Variants in SPATC1L observed in about 807,000 individuals in gnomAD.
The protein encoded by SPATC1L is speriolin-like protein.
In SPATC1L, 20 loss-of-function variants were observed where a neutral mutation model predicts 21.2. The observed-to-expected ratio is 0.94, with a 90% CI of 0.66 to 1.37. The LOEUF (loss-of-function observed/expected upper bound fraction) is 1.37, where lower values mean the gene tolerates loss of function less well. SPATC1L is among the 40% of genes most tolerant of loss of function. The pLI, the probability that SPATC1L is intolerant of heterozygous loss-of-function variation, is 0.00. For missense variants in SPATC1L, 499 were observed against 478.7 expected (o/e 1.04, Z -0.40); for synonymous variants, 290 against 234.5 (o/e 1.24, Z -2.16).
chr21:46,178,840 T>C (rs1050897780), intron 2 of SPATC1L, among the ~76,000 whole-genome samples: 4 of 152,170 alleles, frequency 2.6e-5, no homozygotes, highest in Non-Finnish European at 5.9e-5. Flanking sequence ...TGAACCAAGA[T>C]GACACCACTG....
chr21:46,169,169 T>C (rs1292198252), intron 2 of SPATC1L, among the ~76,000 whole-genome samples: 2 of 152,286 alleles, frequency 1.3e-5, no homozygotes, highest in African/African-American at 4.8e-5. Flanking sequence ...ACCCTTGCCC[T>C]ATTGATGGAC....
intron 3 of SPATC1L, 37 bp downstream of exon 3, chr21:46,168,271 T>C (rs2079554715): frequency 6.8e-7 from 1 of 1,476,136 alleles, no homozygotes; most frequent in Non-Finnish European, 9.2e-7. Context: ...CAGCCTGCAC[T>C]GGGGGCCCCC....
In SPATC1L at chr21:46,168,508, T is replaced by TTGAA. The variant is rs1448073090; in HGVS notation, c.340_343dup (p.Lys115IlefsTer12). 3.2e-6 allele frequency: 5 copies of TTGAA among 1,550,342 alleles called. No homozygotes were observed. Among genetic ancestry groups the TTGAA allele is most frequent in the Non-Finnish European group, 4.4e-6 (5 of 1,144,990 alleles). On this transcript the variant is annotated frameshift_variant, in exon 3 of 5. Coordinates refer to ENST00000291672, the MANE Select transcript of SPATC1L (RefSeq NM_001142854.2). LOFTEE classifies it high-confidence loss of function. ...TGGCTCTGGGGGACTGAGGAAGGCCTTGAAGGGTGCCTGGGAGGGGGCTGC... is the reference window on the plus strand; with the variant it reads ...TGGCTCTGGGGGACTGAGGAAGGCCTTGAATGAAGGGTGCCTGGGAGGGGGCTGC...
chr21:46,161,703 G>C lies in SPATC1L; in HGVS notation c.699C>G (p.Thr233=). The change falls in exon 5 of 5, where the codon ACC becomes ACG. Residue 233 remains threonine (T), a splice_region_variant and synonymous_variant. Coordinates refer to ENST00000291672, the MANE Select transcript of SPATC1L (RefSeq NM_001142854.2). Reference sequence around the variant, plus strand: ...CGGAGCCGTCCAGAGACTTGGTGGAGGTCTGCGGGCGCAGCGCATGGATGG... The same window carrying C: ...CGGAGCCGTCCAGAGACTTGGTGGACGTCTGCGGGCGCAGCGCATGGATGG... ...VANIPEKIEQ[T]STKSLDGSVD... 6.3e-7 allele frequency: 1 copy of C among 1,590,454 alleles called. No homozygotes were observed. Among genetic ancestry groups the C allele is most frequent in the Non-Finnish European group, 8.6e-7 (1 of 1,167,826 alleles).
chr21:46,162,474 G>C (rs1314971402), intron 3 of SPATC1L, among the ~76,000 whole-genome samples: 1 of 152,074 alleles, frequency 6.6e-6, no homozygotes, highest in African/African-American at 2.4e-5. Flanking sequence ...GGGAGGAAGG[G>C]GGAGAGTTCT....
At position 46,162,047 on chromosome 21, in the gene SPATC1L, C is replaced by T. The variant is rs76486812; in HGVS notation, c.565G>A (p.Ala189Thr). 31 of 1,581,806 alleles carry T rather than the reference C, an allele frequency of 2.0e-5. No homozygotes were observed. The highest frequency in any genetic ancestry group is 1.1e-4 in the East Asian group (5 of 43,662). The stretch of plus-strand genomic sequence containing the variant: ...CCCACCACGCGCGCGTCCTTCTCGG[C>T]GCCCGCGAAGCTCTGGATCTCTGGG... ...YLNEIQSFAG[A>T]EKDARVVGEI... Residue 189 changes from alanine (A) to threonine (T), a missense_variant, in exon 4 of 5, where the codon GCC becomes ACC. Physicochemically the swap from Ala to Thr is moderately conservative, Grantham distance 58 (BLOSUM62 0). Transcript: ENST00000291672.
At position 46,182,847 on chromosome 21, in the gene SPATC1L, C is replaced by T; in HGVS notation, c.-31G>A. The T allele has an allele frequency of 1.3e-6, 2 of 1,490,788 alleles. No individual in the cohort carries two copies. The highest frequency in any genetic ancestry group is 1.8e-6 in the Non-Finnish European group (2 of 1,116,192). The allele number at this position is 1,490,788 out of a possible 1,614,324, so 92.3% of individuals were successfully genotyped here. ...GTGCGTCCCTCCTTGTCCCTCACGG[C>T]TCCTGCAGCCCCATGGAGGTGGGAG... On this transcript the variant is annotated 5_prime_UTR_variant, in exon 2 of 5. Coordinates refer to ENST00000291672, the MANE Select transcript of SPATC1L (RefSeq NM_001142854.2).
chr21:46,164,746 C>T (rs1256413299), intron 3 of SPATC1L, among the ~76,000 whole-genome samples: 1 of 147,708 alleles, frequency 6.8e-6, no homozygotes, highest in Non-Finnish European at 1.5e-5. Context: ...GAGCCGAGAT[C>T]GCACCACTGC....
chr21:46,172,105 G>GCA (rs3057199), intron 2 of SPATC1L, among the ~76,000 whole-genome samples: 94,324 of 127,600 alleles, frequency 0.74, 37,477 homozygotes, highest in East Asian at 0.99. Context: ...AGGCAGGAGT[G>GCA]CAGAGCATGA....
At chr21:46,171,181 G>A (rs2079587119) in intron 2 of SPATC1L, among the ~76,000 whole-genome samples, 1 of 152,240 alleles carries the variant, frequency 6.6e-6, no homozygotes. Context: ...CAACCAGGCT[G>A]ATGAGGTCAT....
In SPATC1L at chr21:46,167,605, G is replaced by A. The variant is rs553306167; in HGVS notation, c.544+703C>T. Among the ~76,000 whole-genome samples, 120 of 152,166 alleles carry A rather than the reference G, an allele frequency of 7.9e-4. 1 individual carries two copies. Among genetic ancestry groups the A allele is most frequent in the Middle Eastern group, 6.8e-3 (2 of 294 alleles). ...CGAGGCAGGCGAATTGCTTCAGCCCGGGAGGTCAAGACCAGCCTGGGCATC... is the reference window on the plus strand; with the variant it reads ...CGAGGCAGGCGAATTGCTTCAGCCCAGGAGGTCAAGACCAGCCTGGGCATC... On this transcript the variant is annotated intron_variant, in intron 3 of 4. Coordinates refer to ENST00000291672, the MANE Select transcript of SPATC1L (RefSeq NM_001142854.2).
intron 2 of SPATC1L, 38 bp downstream of exon 2, chr21:46,182,586 C>T (rs2079683088): frequency 1.4e-6 from 2 of 1,428,566 alleles, no homozygotes; most frequent in East Asian, 2.6e-5. Flanking sequence ...CCGCGACCCC[C>T]TCATCTACCA....
intron 2 of SPATC1L, among the ~76,000 whole-genome samples, chr21:46,171,428 CA>C (rs10713326): frequency 0.67 from 93,435 of 138,830 alleles, 32,798 homozygotes; most frequent in East Asian, 0.97. Flanking sequence ...GAATCCATCT[CA>C]AAAAAAAAAA....
At chr21:46,180,751 G>C (rs1174449412) in intron 2 of SPATC1L, among the ~76,000 whole-genome samples, 1 of 152,178 alleles carries the variant, frequency 6.6e-6, no homozygotes, top group Non-Finnish European at 1.5e-5. Context: ...TTTAGAGGGT[G>C]GTCTTGTCCA....
In SPATC1L at chr21:46,161,984, A is replaced by C; in HGVS notation, c.628T>G (p.Tyr210Asp). 1 of 1,607,186 alleles carries C rather than the reference A, an allele frequency of 6.2e-7. No individual in the cohort carries two copies. Among genetic ancestry groups the C allele is most frequent in the Non-Finnish European group, 8.5e-7 (1 of 1,178,760 alleles). ...AFQLDRRILA[Y>D]VFPGVTRLYG... The stretch of plus-strand genomic sequence containing the variant: ...AGCCGCGTCACGCCCGGGAACACGT[A>C]GGCCAGGATGCGGCGGTCCAGCTGG... Residue 210 changes from tyrosine to aspartate, a missense_variant, in exon 4 of 5, where the codon TAC (tyrosine) becomes GAC (aspartate). Coordinates refer to ENST00000291672, the MANE Select transcript of SPATC1L (RefSeq NM_001142854.2).
intron 2 of SPATC1L, among the ~76,000 whole-genome samples, chr21:46,178,874 C>T (rs1258373225): frequency 6.6e-6 from 1 of 152,008 alleles, no homozygotes; most frequent in African/African-American, 2.4e-5. Flanking sequence ...GCAACAGAGC[C>T]AGACTGTGTC....
In SPATC1L at chr21:46,161,307, C is replaced by A. The variant is rs949597567; in HGVS notation, c.*72G>T. 5.1e-6 allele frequency: 7 copies of A among 1,378,710 alleles called. No homozygotes were observed. The highest frequency in any genetic ancestry group is 6.7e-6 in the Non-Finnish European group (7 of 1,051,038). 85.4% of individuals were successfully genotyped at this position (1,378,710 alleles called of 1,614,324 possible). ...CGGCCCTTTCCCCTCCGGGGGGACG[C>A]GCAGGAGGCACCGCGGCCCCGGGTT... is the stretch of plus-strand genomic sequence containing the variant. On this transcript the variant is annotated 3_prime_UTR_variant, in exon 5 of 5. Transcript: ENST00000291672.
At chr21:46,166,468 A>G (rs909017311) in intron 3 of SPATC1L, among the ~76,000 whole-genome samples, 20 of 151,950 alleles carry the variant, frequency 1.3e-4, no homozygotes, top group African/African-American at 4.9e-4. Flanking sequence ...AAACTCTCCA[A>G]TCAAAAGACG....
rs2079485860 is a variant in SPATC1L, at chr21:46,161,395, G to A, written c.1007C>T (p.Pro336Leu). The change falls in exon 5 of 5, where the codon CCC becomes CTC. Residue 336 changes from proline to leucine, a missense_variant. By Grantham distance (98) the Pro-to-Leu change is moderately conservative. Coordinates refer to ENST00000291672, the MANE Select transcript of SPATC1L (RefSeq NM_001142854.2). ...CGGGGCGGCTCACCAGGCGAAGAGG[G>A]GCTTGCCGTCCTCCTTGGAGAGCTC... is the stretch of plus-strand genomic sequence containing the variant. ...LCELSKEDGK[P>L]LFAW 1 of 1,524,986 alleles carries A rather than the reference G, an allele frequency of 6.6e-7. No individual in the cohort carries two copies. Among genetic ancestry groups the A allele is most frequent in the Non-Finnish European group, 8.8e-7 (1 of 1,138,666 alleles). 94.5% of individuals were successfully genotyped at this position (1,524,986 alleles called of 1,614,324 possible). A position where few individuals can be genotyped will look rare whatever the true frequency, so the allele number is the denominator to read the frequency against.
Sources: allele counts gnomAD v4.1 joint callset (sites outside exome capture counted in the v4.1 genomes callset), GRCh38; gene constraint gnomAD v4.1.1; transcripts MANE v1.5; gene names NCBI Gene and HGNC (gene_info 2026-07-23, HGNC 2026-07-21).